Variants in ARHGAP26 observed in about 807,000 individuals in gnomAD.
ARHGAP26 encodes the protein rho GTPase-activating protein 26.
A neutral mutation model predicts 104.8 loss-of-function variants in ARHGAP26; 38 were observed. The ratio of observed to expected loss-of-function variants is 0.36; its 90% CI spans 0.28 to 0.48. ARHGAP26 has a LOEUF of 0.48. Ranked by LOEUF, ARHGAP26 falls within the 20% of genes least tolerant of loss-of-function variation. The pLI, the probability that ARHGAP26 is intolerant of heterozygous loss-of-function variation, is 0.99. For synonymous variants in ARHGAP26, 341 were observed against 340.0 expected (o/e 1.00, Z -0.03); for missense variants, 704 against 947.9 (o/e 0.74, Z 3.38).
intron 1 of ARHGAP26, among the ~76,000 whole-genome samples, chr5:142,797,037 G>A (rs1423965336): frequency 6.6e-6 from 1 of 152,252 alleles, no homozygotes; most frequent in East Asian, 1.9e-4. Context: ...GTTGGAATTA[G>A]ATTGCAGAAG....
At chr5:143,149,378 A>C (rs183531048) in intron 20 of ARHGAP26, among the ~76,000 whole-genome samples, 2 of 152,296 alleles carry the variant, frequency 1.3e-5, no homozygotes, top group Non-Finnish European at 2.9e-5. Flanking sequence ...TACCAGCATC[A>C]GCCCTGATAC....
At chr5:142,793,152 C>T (rs1465041363) in intron 1 of ARHGAP26, among the ~76,000 whole-genome samples, 1 of 151,928 alleles carries the variant, frequency 6.6e-6, no homozygotes, top group African/African-American at 2.4e-5. Context: ...ATTCGTTCCT[C>T]TGCCTGTCCA....
At chr5:143,222,117 T>C (rs1279148876) in intron 22 of ARHGAP26, among the ~76,000 whole-genome samples, 1 of 152,176 alleles carries the variant, frequency 6.6e-6, no homozygotes, top group Non-Finnish European at 1.5e-5. Flanking sequence ...CCTTTTTCAT[T>C]GTAAAGAAAG....
At chr5:143,180,301 T>C (rs1286158014) in intron 20 of ARHGAP26, among the ~76,000 whole-genome samples, 2 of 152,098 alleles carry the variant, frequency 1.3e-5, no homozygotes, top group Non-Finnish European at 1.5e-5. Flanking sequence ...AATTTTTGTA[T>C]TTTTAGTAGA....
chr5:143,169,180 T>G (rs1369358680), intron 20 of ARHGAP26, among the ~76,000 whole-genome samples: 1 of 152,264 alleles, frequency 6.6e-6, no homozygotes, highest in African/African-American at 2.4e-5. Flanking sequence ...GGTGTAAATT[T>G]CCCTAATGTG....
chr5:142,986,306 T>C (rs1252281632), intron 11 of ARHGAP26, among the ~76,000 whole-genome samples: 2 of 152,254 alleles, frequency 1.3e-5, no homozygotes, highest in Non-Finnish European at 2.9e-5. Context: ...AAATGTCTTC[T>C]TTTGAGAAGT....
intron 11 of ARHGAP26, among the ~76,000 whole-genome samples, chr5:142,933,223 T>A (rs1368477653): frequency 6.6e-6 from 1 of 152,222 alleles, no homozygotes; most frequent in African/African-American, 2.4e-5. Context: ...AGAAGCTTCC[T>A]AAGTAGGTCT....
chr5:143,117,085 A>AG (rs1470101505), intron 17 of ARHGAP26, among the ~76,000 whole-genome samples: 1 of 152,246 alleles, frequency 6.6e-6, no homozygotes, highest in African/African-American at 2.4e-5. Flanking sequence ...GGATCTGAAA[A>AG]GCATGTGTCA....
chr5:143,005,721 T>C (rs962536520), intron 11 of ARHGAP26, among the ~76,000 whole-genome samples: 3 of 152,226 alleles, frequency 2.0e-5, no homozygotes, highest in Admixed American at 2.0e-4. Flanking sequence ...GAAAAGAAAG[T>C]TTATTTTTCT....
At chr5:142,989,319 C>CT (rs961954967) in intron 11 of ARHGAP26, among the ~76,000 whole-genome samples, 7 of 151,924 alleles carry the variant, frequency 4.6e-5, no homozygotes, top group Non-Finnish European at 7.4e-5. Flanking sequence ...GCAACTCCTG[C>CT]TTTTTTTTGT....
At chr5:143,022,161 T>C (rs1047468036) in intron 12 of ARHGAP26, among the ~76,000 whole-genome samples, 2 of 152,196 alleles carry the variant, frequency 1.3e-5, no homozygotes, top group Non-Finnish European at 2.9e-5. Context: ...AACCTCCGCC[T>C]CCTGGGCTCA....
At chr5:143,011,896 A>G (rs529715069) in intron 11 of ARHGAP26, among the ~76,000 whole-genome samples, 1 of 152,176 alleles carries the variant, frequency 6.6e-6, no homozygotes, top group Non-Finnish European at 1.5e-5. Context: ...GTAGAGTCCA[A>G]AGCGCTTGCA....
At chr5:143,027,888 G>GC (rs1781294747) in intron 12 of ARHGAP26, among the ~76,000 whole-genome samples, 1 of 152,130 alleles carries the variant, frequency 6.6e-6, no homozygotes, top group Non-Finnish European at 1.5e-5. Flanking sequence ...ATGCATAATT[G>GC]CCGGGAGAGG....
chr5:142,792,773 C>A (rs926326516), intron 1 of ARHGAP26, among the ~76,000 whole-genome samples: 4 of 152,166 alleles, frequency 2.6e-5, no homozygotes, highest in African/African-American at 9.7e-5. Flanking sequence ...GGACCTGAAA[C>A]GTAAGCTGGC....
intron 18 of ARHGAP26, 110 bp from the exon 19 acceptor site, chr5:143,133,856 CT>C (rs1254578084): frequency 5.5e-6 from 6 of 1,086,372 alleles, no homozygotes; most frequent in Non-Finnish European, 7.6e-6. Flanking sequence ...CTTCTCGGAT[CT>C]TTTCTTGCTA....
chr5:143,119,902 A>G (rs976798646), intron 17 of ARHGAP26, among the ~76,000 whole-genome samples: 2 of 152,180 alleles, frequency 1.3e-5, no homozygotes, highest in African/African-American at 4.8e-5. Flanking sequence ...TAAAAAAAAA[A>G]AAAGTGGACC....
At position 142,800,402 on chromosome 5, in the gene ARHGAP26, TG is replaced by T. The variant is rs374583188; in HGVS notation, c.154+29488del. On this transcript the variant is annotated intron_variant, in intron 1 of 22. Transcript: ENST00000645722. ...TTTTTTTTCTGAGATGGAGTTTCAC[TG>T]TTGTCACCCAGGATGGAGTGCAATA... 9.3e-3 allele frequency among the ~76,000 whole-genome samples: 1,406 copies of T among 151,456 alleles called. 28 individuals are homozygous for T. The highest frequency in any genetic ancestry group is 0.033 in the African/African-American group (1,351 of 41,208).
chr5:142,927,613 AT>A (rs1335338099), intron 10 of ARHGAP26, among the ~76,000 whole-genome samples: 1 of 152,242 alleles, frequency 6.6e-6, no homozygotes, highest in Non-Finnish European at 1.5e-5. Flanking sequence ...ATTTTTGGCT[AT>A]TCTAAATAAA....
chr5:143,217,974 C>T (rs1037352261), intron 22 of ARHGAP26, among the ~76,000 whole-genome samples: 9 of 152,228 alleles, frequency 5.9e-5, no homozygotes. Flanking sequence ...CTGACCTCCT[C>T]TCACCCTCAC....
Sources: gnomAD v4.1 joint callset for allele counts (sites outside exome capture counted in the v4.1 genomes callset) on GRCh38, gnomAD v4.1.1 for gene constraint, MANE v1.5 for transcripts, NCBI Gene and HGNC (gene_info 2026-07-23, HGNC 2026-07-21) for gene names.